The following FBXO31 variants were observed in gnomAD, a reference collection of about 807,000 sequenced individuals.
The protein encoded by FBXO31 is F-box protein 31.
A neutral mutation model predicts 54.4 loss-of-function variants in FBXO31; 24 were observed. That is an observed-to-expected ratio of 0.44 (90% CI 0.32 to 0.62). The LOEUF (loss-of-function observed/expected upper bound fraction) is 0.62. FBXO31 is among the 20% of genes least tolerant of loss of function. The pLI is 0.05. For synonymous variants in FBXO31, 388 were observed against 335.6 expected (o/e 1.16, Z -1.71); for missense variants, 665 against 787.1 (o/e 0.84, Z 1.86).
At position 87,335,672 on chromosome 16, in the gene FBXO31, G is replaced by A. The variant is rs1905025921; in HGVS notation, c.843-215C>T. Among the ~76,000 whole-genome samples the A allele has an allele frequency of 6.6e-6, 1 of 152,170 alleles. No individual in the cohort carries two copies. Among genetic ancestry groups the A allele is most frequent in the Non-Finnish European group, 1.5e-5 (1 of 68,026 alleles). ...CACGCACGCTTCCAACAGGACTTCT[G>A]GGGTTAAGGGGGGCATCAGCGCCAG... On this transcript the variant is annotated intron_variant, in intron 6 of 8. Coordinates refer to ENST00000311635, the MANE Select transcript of FBXO31 (RefSeq NM_024735.5). The surrounding 1 kb of genome is among the most constrained non-coding windows in gnomAD (Gnocchi z 5.7).
chr16:87,343,893 C>G (rs571470392), intron 3 of FBXO31, 128 bp from the exon 4 acceptor site: 4 of 969,976 alleles, frequency 4.1e-6, no homozygotes, highest in East Asian at 5.1e-5. Flanking sequence ...GACCTGCACG[C>G]CCACCCTCGA....
At chr16:87,367,994 AATGAGTC>A (rs1398765733) in intron 1 of FBXO31, 2 of 152,258 alleles carry the variant, frequency 1.3e-5, no homozygotes, top group Admixed American at 1.3e-4. Flanking sequence ...TGGACTTCTG[AATGAGTC>A]CAAGGTTTTT....
chr16:87,352,477 G>A (rs147472762), intron 2 of FBXO31, among the ~76,000 whole-genome samples: 1 of 152,200 alleles, frequency 6.6e-6, no homozygotes, highest in African/African-American at 2.4e-5. Flanking sequence ...TTAATATCTG[G>A]GTAAAGGCTA....
At chr16:87,333,694 T>C (rs979436072) in intron 8 of FBXO31, among the ~76,000 whole-genome samples, 192 bp downstream of exon 8, 1 of 152,128 alleles carries the variant, frequency 6.6e-6, no homozygotes, top group Non-Finnish European at 1.5e-5. Flanking sequence ...GGGACCCAGC[T>C]GCGCGGCCGC....
intron 2 of FBXO31, among the ~76,000 whole-genome samples, chr16:87,347,878 T>C (rs949948470): frequency 1.3e-5 from 2 of 152,142 alleles, no homozygotes; most frequent in South Asian, 4.1e-4. Flanking sequence ...AAGATGCTGG[T>C]AGCGCTACAA....
In FBXO31 at chr16:87,336,422, G is replaced by A. The variant is rs1486294584; in HGVS notation, c.733-158C>T. 2.0e-5 allele frequency among the ~76,000 whole-genome samples: 3 copies of A among 152,190 alleles called. No homozygotes were observed. The highest frequency in any genetic ancestry group is 2.9e-5 in the Non-Finnish European group (2 of 68,026). ...GGGAGGATGGACTTGGCGCTGGGAA[G>A]AGAAAGGGGAGCTGCCGGATTTGAC... On this transcript the variant is annotated intron_variant, in intron 5 of 8. Coordinates refer to ENST00000311635, the MANE Select transcript of FBXO31 (RefSeq NM_024735.5). This position sits in a 1 kb window ranked among gnomAD's most constrained non-coding sequence, Gnocchi z 6.5.
chr16:87,331,126 A>C lies in FBXO31; in HGVS notation c.*162T>G. On this transcript the variant is annotated 3_prime_UTR_variant, in exon 9 of 9. Coordinates refer to ENST00000311635, the MANE Select transcript of FBXO31 (RefSeq NM_024735.5). ...TGACAAATATGCAGGTCTATGTCACACTCTCTACATAAAGTGCTGGGGGGT... is the reference window on the plus strand; with the variant it reads ...TGACAAATATGCAGGTCTATGTCACCCTCTCTACATAAAGTGCTGGGGGGT... 1.6e-6 allele frequency: 1 copy of C among 634,906 alleles called. No homozygotes were observed. Among genetic ancestry groups the C allele is most frequent in the South Asian group, 1.9e-5 (1 of 51,642 alleles). 39.3% of individuals were successfully genotyped at this position (634,906 alleles called of 1,614,324 possible). A position where few individuals can be genotyped will look rare whatever the true frequency, so the allele number is the denominator to read the frequency against.
upstream of FBXO31, among the ~76,000 whole-genome samples, chr16:87,388,015 G>T (rs1907385387): frequency 1.3e-5 from 2 of 152,194 alleles, no homozygotes; most frequent in Non-Finnish European, 2.9e-5. Flanking sequence ...CACGTTAACA[G>T]TCCCAGAATG....
chr16:87,331,175 G>GGAGAGTA lies in FBXO31; in HGVS notation c.*112_*113insTACTCTC. On this transcript the variant is annotated 3_prime_UTR_variant, in exon 9 of 9. Coordinates refer to ENST00000311635, the MANE Select transcript of FBXO31 (RefSeq NM_024735.5). ...GTGGCTGGACTGGGCCCCCCGACGAGGTGTGCGTTCTGGTCAAAAGGCCGG... is the reference window on the plus strand; with the variant it reads ...GTGGCTGGACTGGGCCCCCCGACGAGGAGAGTAGTGTGCGTTCTGGTCAAAAGGCCGG... 1 of 1,018,982 alleles carries GGAGAGTA rather than the reference G, an allele frequency of 9.8e-7. No individual in the cohort carries two copies. The highest frequency in any genetic ancestry group is 1.5e-5 in the South Asian group (1 of 64,916). 63.1% of individuals were successfully genotyped at this position (1,018,982 alleles called of 1,614,324 possible).
intron 8 of FBXO31, among the ~76,000 whole-genome samples, chr16:87,333,199 G>A (rs904391009): frequency 1.4e-4 from 22 of 152,350 alleles, no homozygotes; most frequent in African/African-American, 4.8e-4. Context: ...AAAAGTCAGC[G>A]AGACAGGAGC....
At position 87,383,670 on chromosome 16, in the gene FBXO31, C is replaced by A. The variant is rs771872068; in HGVS notation, c.75G>T (p.Pro25=). 9 of 1,300,952 alleles carry A rather than the reference C, an allele frequency of 6.9e-6. No individual in the cohort carries two copies. In the South Asian group the frequency reaches 2.1e-4, roughly 31 times the overall value. 80.6% of individuals were successfully genotyped at this position (1,300,952 alleles called of 1,614,324 possible). ...CGCTGTCGGCCGCCGCCGTCTCGGC[C>A]GGGCCCCGGCGCTGCTGGCGGCGCC... ...GCRRRQQRRG[P]AETAAADSEP... is the part of the protein sequence containing the mutation. Residue 25 remains proline, a synonymous_variant, in exon 1 of 9, where the codon CCG becomes CCT. Transcript: ENST00000311635. The surrounding 1 kb of genome is among the most constrained non-coding windows in gnomAD (Gnocchi z 4.9).
chr16:87,357,995 T>C (rs16942907), intron 2 of FBXO31, among the ~76,000 whole-genome samples: 224 of 152,276 alleles, frequency 1.5e-3, no homozygotes, highest in African/African-American at 5.1e-3. Context: ...TTAATTCACA[T>C]AGGCTATTAA....
chr16:87,375,387 G>A (rs1906779938), intron 1 of FBXO31, among the ~76,000 whole-genome samples: 1 of 151,904 alleles, frequency 6.6e-6, no homozygotes, highest in Admixed American at 6.6e-5. Flanking sequence ...AGCTACCTGG[G>A]AGGCTGAGGC....
chr16:87,375,729 A>C (rs998396693), intron 1 of FBXO31, among the ~76,000 whole-genome samples: 4 of 152,186 alleles, frequency 2.6e-5, no homozygotes, highest in African/African-American at 7.2e-5. Flanking sequence ...CCACCCTGCC[A>C]GGCCCTGCAG....
chr16:87,334,432 G>A (rs1293835505), intron 7 of FBXO31, 146 bp from the exon 8 acceptor site: 8 of 721,954 alleles, frequency 1.1e-5, no homozygotes, highest in South Asian at 1.0e-4. Context: ...AGAAGAAGAA[G>A]TCTCAGAATC....
rs1906607267 is a variant in FBXO31, at chr16:87,371,629, C to G, written c.341-11263G>C. The stretch of plus-strand genomic sequence containing the variant: ...AAAGGGGAGAGACAGCAGGGACACA[C>G]TTGTTTTTTGAGAGGACACTCGTTC... On this transcript the variant is annotated intron_variant, in intron 1 of 8. Transcript: ENST00000311635. Among the ~76,000 whole-genome samples, 3 of 152,284 alleles carry G rather than the reference C, an allele frequency of 2.0e-5. No homozygotes were observed. In the South Asian group the frequency reaches 6.2e-4, roughly 31 times the overall value.
chr16:87,372,115 T>G (rs1906629592), intron 1 of FBXO31, among the ~76,000 whole-genome samples: 2 of 151,986 alleles, frequency 1.3e-5, no homozygotes, highest in Admixed American at 1.3e-4. Flanking sequence ...TCCTAGCTAC[T>G]GGGGAGGCTG....
upstream of FBXO31, among the ~76,000 whole-genome samples, chr16:87,385,457 C>CAAA (rs531673191): frequency 8.2e-6 from 1 of 121,898 alleles, no homozygotes; most frequent in Admixed American, 8.5e-5. Context: ...GACTCTGTCT[C>CAAA]AAAAAAAAAA....
At chr16:87,378,762 C>T (rs946492263) in intron 1 of FBXO31, among the ~76,000 whole-genome samples, 3 of 151,968 alleles carry the variant, frequency 2.0e-5, no homozygotes, top group Non-Finnish European at 4.4e-5. Flanking sequence ...GAGATCGAGA[C>T]CAACCTGGCT....
Sources: gnomAD v4.1 joint callset for allele counts (sites outside exome capture counted in the v4.1 genomes callset) on GRCh38, gnomAD v4.1.1 for gene constraint, Gnocchi (gnomAD v3.1) non-coding constraint, MANE v1.5 for transcripts, NCBI Gene and HGNC (gene_info 2026-07-23, HGNC 2026-07-21) for gene names.